Variants in MAP3K6 observed in about 807,000 individuals in gnomAD.
MAP3K6 encodes the protein mitogen-activated protein kinase kinase kinase 6, also known as apoptosis signal-regulating kinase 2.
In MAP3K6, 105 loss-of-function variants were observed where a neutral mutation model predicts 147.1. The ratio of observed to expected loss-of-function variants is 0.71; its 90% CI spans 0.61 to 0.84. The LOEUF is 0.84. Ranked by LOEUF, MAP3K6 falls within the 40% of genes least tolerant of loss-of-function variation. MAP3K6 has a pLI of 0.00. For missense variants in MAP3K6, 1,569 were observed against 1,715.0 expected, an observed-to-expected ratio of 0.91 and a Z score of 1.50; for synonymous variants, 695 against 732.4, an observed-to-expected ratio of 0.95 and a Z score of 0.82.
intron 1 of MAP3K6, among the ~76,000 whole-genome samples, chr1:27,365,588 C>T: frequency 6.6e-6 from 1 of 152,000 alleles, no homozygotes; most frequent in East Asian, 1.9e-4. Flanking sequence ...GAGTGACTCG[C>T]GGGGGAATAG....
intron 28 of MAP3K6, 61 bp downstream of exon 28, chr1:27,355,608 C>T (rs151081848): frequency 1.9e-6 from 3 of 1,599,298 alleles, no homozygotes; most frequent in African/African-American, 2.7e-5. Context: ...CCTAGGCAGG[C>T]CTGCAGTTGG....
At position 27,359,447 on chromosome 1, in the gene MAP3K6, C is replaced by T. The variant is rs1237430974; in HGVS notation, c.2395G>A (p.Gly799Ser). The change falls in exon 18 of 29, where the codon GGC becomes AGC. Residue 799 changes from glycine to serine, a missense_variant. Coordinates refer to ENST00000357582, the MANE Select transcript of MAP3K6 (RefSeq NM_004672.5). This position sits in a 1 kb window ranked among gnomAD's most constrained non-coding sequence, Gnocchi z 4.4. ...AAGGTCTCAGTGCAAGGTGTGATGC[C>T]TGCCAGCCGCTTGGAGGTGCCGAAG... is the stretch of plus-strand genomic sequence containing the variant. ...SDFGTSKRLA[G>S]ITPCTETFTG... 6.2e-7 allele frequency: 1 copy of T among 1,614,172 alleles called. No homozygotes were observed. The highest frequency in any genetic ancestry group is 8.5e-7 in the Non-Finnish European group (1 of 1,180,026).
rs764675645 is a variant in MAP3K6, at chr1:27,364,036, G to A, written c.745C>T (p.Arg249Trp). The change falls in exon 5 of 29, where the codon CGG (arginine) becomes TGG (tryptophan). Residue 249 changes from arginine to tryptophan, a missense_variant. By Grantham distance (101) the Arg-to-Trp change is moderately radical. Coordinates refer to ENST00000357582, the MANE Select transcript of MAP3K6 (RefSeq NM_004672.5). This position sits in a 1 kb window ranked among gnomAD's most constrained non-coding sequence, Gnocchi z 4.4. ...IRRDIRQARE[R>W]FSGPQLRQEL... ...TGCCGCAGCTGTGGCCCACTGAACC[G>A]CTCCCGCGCCTGCCGGATGTCCCGC... 8.7e-6 allele frequency: 14 copies of A among 1,612,426 alleles called. No individual in the cohort carries two copies. Among genetic ancestry groups the A allele is most frequent in the Admixed American group, 5.0e-5 (3 of 59,968 alleles).
In MAP3K6 at chr1:27,356,724, C is replaced by T. The variant is rs1461699511; in HGVS notation, c.3390G>A (p.Pro1130=). 6.3e-7 allele frequency: 1 copy of T among 1,578,970 alleles called. No homozygotes were observed. The highest frequency in any genetic ancestry group is 8.6e-7 in the Non-Finnish European group (1 of 1,162,006). The part of the protein sequence containing the change: ...GPEVEKEAVS[P]RSEELSNEGD... ...CTTCATTACTCAGCTCCTCTGACCT[C>T]GGTGAGACCGCCTCCTTCTCCACCT... is the stretch of plus-strand genomic sequence containing the variant. The change falls in exon 25 of 29, where the codon CCG becomes CCA. Residue 1130 remains proline (P), a synonymous_variant. Transcript: ENST00000357582.
chr1:27,359,644 T>TG lies in MAP3K6; in HGVS notation c.2320-123dup. On this transcript the variant is annotated intron_variant, in intron 17 of 28. Transcript: ENST00000357582. The surrounding 1 kb of genome is among the most constrained non-coding windows in gnomAD (Gnocchi z 4.4). ...CCTGCCTCTGTCAACACTCTCCCCTTGCCATCCCACTTATATGCCCCTCTG... is the reference window on the plus strand; with the variant it reads ...CCTGCCTCTGTCAACACTCTCCCCTTGGCCATCCCACTTATATGCCCCTCTG... 6.8e-7 allele frequency: 1 copy of TG among 1,468,258 alleles called. No individual in the cohort carries two copies. Among genetic ancestry groups the TG allele is most frequent in the Non-Finnish European group, 9.3e-7 (1 of 1,078,242 alleles). 91.0% of individuals were successfully genotyped at this position (1,468,258 alleles called of 1,614,324 possible). A position where few individuals can be genotyped will look rare whatever the true frequency, so the allele number is the denominator to read the frequency against.
At position 27,358,004 on chromosome 1, in the gene MAP3K6, G is replaced by A. The variant is rs964591331; in HGVS notation, c.2916-128C>T. ...ACAGGCATGAACATAGATAAACCCC[G>A]CACTGAGAGGACACAACAAGTCCAA... is the stretch of plus-strand genomic sequence containing the variant. On this transcript the variant is annotated intron_variant, in intron 21 of 28. Coordinates refer to ENST00000357582, the MANE Select transcript of MAP3K6 (RefSeq NM_004672.5). The surrounding 1 kb of genome is among the most constrained non-coding windows in gnomAD (Gnocchi z 6.2). The A allele has an allele frequency of 6.1e-6, 9 of 1,468,972 alleles. No individual in the cohort carries two copies. The highest frequency in any genetic ancestry group is 4.9e-5 in the East Asian group (2 of 41,106). 91.0% of individuals were successfully genotyped at this position (1,468,972 alleles called of 1,614,324 possible).
rs1380142454 is a variant in MAP3K6, at chr1:27,358,192, G to A, written c.2904C>T (p.Thr968=). The change falls in exon 21 of 29, where the codon ACC becomes ACT. Residue 968 remains threonine, a synonymous_variant. Coordinates refer to ENST00000357582, the MANE Select transcript of MAP3K6 (RefSeq NM_004672.5). This position sits in a 1 kb window ranked among gnomAD's most constrained non-coding sequence, Gnocchi z 6.2. ...AGCCTTGGTCTCACCGGAGCTGGCT[G>A]GTGCCCCCATAACTGAGGCAGCGCT... ...PPKRCLSYGG[T]SQLRVPEEPA... is the part of the protein sequence containing the mutation. 2 of 1,587,444 alleles carry A rather than the reference G, an allele frequency of 1.3e-6. No individual in the cohort carries two copies. The highest frequency in any genetic ancestry group is 1.4e-5 in the African/African-American group (1 of 72,914).
intron 1 of MAP3K6, among the ~76,000 whole-genome samples, chr1:27,365,995 C>G (rs1226904282): frequency 1.3e-5 from 2 of 151,582 alleles, no homozygotes; most frequent in Admixed American, 1.3e-4. Flanking sequence ...GGCACCGCTC[C>G]GACTGAAGGG....
At chr1:27,363,102 G>A in intron 6 of MAP3K6, 81 bp from the exon 7 acceptor site, 1 of 1,342,850 alleles carries the variant, frequency 7.4e-7, no homozygotes, top group South Asian at 1.4e-5. Context: ...GAACCAGCAG[G>A]GACCCTTCCA....
chr1:27,361,196 T>TCCTGAGC lies in MAP3K6; in HGVS notation c.1786_1792dup (p.Asp598GlyfsTer47), dbSNP rs1187097895. 2 of 1,612,886 alleles carry TCCTGAGC rather than the reference T, an allele frequency of 1.2e-6. No homozygotes were observed. Among genetic ancestry groups the TCCTGAGC allele is most frequent in the Admixed American group, 3.3e-5 (2 of 59,894 alleles). ...TACGCTGGGGAAGCACAGCTGGACG[T>TCCTGAGC]CCTGAGCCGGGGGGAGTGCATAGAG... On this transcript the variant is annotated frameshift_variant, in exon 13 of 29. Coordinates refer to ENST00000357582, the MANE Select transcript of MAP3K6 (RefSeq NM_004672.5). LOFTEE classifies it high-confidence loss of function.
Position 27,362,942 on chromosome 1 carries a change from C to A in MAP3K6, c.1051G>T (p.Asp351Tyr). 1 of 1,614,110 alleles carries A rather than the reference C, an allele frequency of 6.2e-7. No homozygotes were observed. Among genetic ancestry groups the A allele is most frequent in the Non-Finnish European group, 8.5e-7 (1 of 1,180,010 alleles). Residue 351 changes from aspartate (D) to tyrosine (Y), a missense_variant, in exon 7 of 29, where the codon GAT (aspartate) becomes TAT (tyrosine). Coordinates refer to ENST00000357582, the MANE Select transcript of MAP3K6 (RefSeq NM_004672.5). ...LVQLEGSVAP[D>Y]LYCMCGRIYK... ...ATACGGCCACACATGCAGTACAGAT[C>A]GGGCGCCACAGAGCCCTCAAGCTGT...
chr1:27,358,192 G>T lies in MAP3K6; in HGVS notation c.2904C>A (p.Thr968=). Residue 968 remains threonine, a synonymous_variant, in exon 21 of 29, where the codon ACC becomes ACA. Transcript: ENST00000357582. The surrounding 1 kb of genome is among the most constrained non-coding windows in gnomAD (Gnocchi z 6.2). ...PPKRCLSYGG[T]SQLRVPEEPA... ...AGCCTTGGTCTCACCGGAGCTGGCT[G>T]GTGCCCCCATAACTGAGGCAGCGCT... 6.3e-7 allele frequency: 1 copy of T among 1,587,562 alleles called. No homozygotes were observed. Among genetic ancestry groups the T allele is most frequent in the South Asian group, 1.1e-5 (1 of 87,294 alleles).
rs141628771 is a variant in MAP3K6 at position 27,358,588 on chromosome 1, C to T, written c.2607G>A (p.Pro869=). ...CGGCCGACAGAGAGCTGGGCATTGG[C>T]GGATGGACCTTGTACATACCCACCT... ...MFQVGMYKVH[P]PMPSSLSAEA... is the part of the protein sequence containing the mutation. The change falls in exon 20 of 29, where the codon CCG becomes CCA. Residue 869 remains proline (P), a synonymous_variant. Coordinates refer to ENST00000357582, the MANE Select transcript of MAP3K6 (RefSeq NM_004672.5). This position sits in a 1 kb window ranked among gnomAD's most constrained non-coding sequence, Gnocchi z 6.2. 3.1e-6 allele frequency: 5 copies of T among 1,613,398 alleles called. No individual in the cohort carries two copies. Among genetic ancestry groups the T allele is most frequent in the East Asian group, 2.2e-5 (1 of 44,870 alleles).
At chr1:27,363,396 G>A (rs1258666035) in intron 6 of MAP3K6, 46 bp downstream of exon 6, 19 of 1,521,244 alleles carry the variant, frequency 1.2e-5, no homozygotes, top group African/African-American at 2.8e-5. Flanking sequence ...CCTAGGTTTC[G>A]GAAACCTTTA....
At position 27,366,493 on chromosome 1, in the gene MAP3K6, C is replaced by A; in HGVS notation, c.105G>T (p.Pro35=). ...GCCGGCTCCGCGCGCAGCCCCGGCC[C>A]GGGGGCGCCGCGAGCTGCCGGCCCC... ...LSRGRQLAAP[P]GRGCARSRPL... The change falls in exon 1 of 29, where the codon CCG becomes CCT. Residue 35 remains proline (P), a synonymous_variant. Coordinates refer to ENST00000357582, the MANE Select transcript of MAP3K6 (RefSeq NM_004672.5). The surrounding 1 kb of genome is among the most constrained non-coding windows in gnomAD (Gnocchi z 5.5). 1 of 1,129,616 alleles carries A rather than the reference C, an allele frequency of 8.9e-7. No individual in the cohort carries two copies. The allele number at this position is 1,129,616 out of a possible 1,614,324, so 70.0% of individuals were successfully genotyped here. A position where few individuals can be genotyped will look rare whatever the true frequency, so the allele number is the denominator to read the frequency against.
chr1:27,363,801 A>T, intron 5 of MAP3K6, 116 bp downstream of exon 5: 1 of 1,034,446 alleles, frequency 9.7e-7, no homozygotes, highest in Non-Finnish European at 1.4e-6. Context: ...ACACTCAGAG[A>T]CATTGGATAA....
Position 27,359,558 on chromosome 1 carries a change from C to T in MAP3K6, c.2320-36G>A, listed in dbSNP as rs1177063310. The T allele has an allele frequency of 1.9e-6, 3 of 1,613,604 alleles. No homozygotes were observed. In the Admixed American group the frequency reaches 5.0e-5, roughly 27 times the overall value. ...GCCATTAGTGGACACTGGTCTGGGC[C>T]CCTGCCAGCAGAAGTAGACCCTCTT... is the stretch of plus-strand genomic sequence containing the variant. On this transcript the variant is annotated intron_variant, in intron 17 of 28. Coordinates refer to ENST00000357582, the MANE Select transcript of MAP3K6 (RefSeq NM_004672.5). The surrounding 1 kb of genome is among the most constrained non-coding windows in gnomAD (Gnocchi z 4.4).
At position 27,364,778 on chromosome 1, in the gene MAP3K6, G is replaced by A. The variant is rs758043339; in HGVS notation, c.475C>T (p.Leu159=). ...SQADLPDLQA[L]REDVFQKNSD... ...ACCAGCCCCAGGCCACCTACCCGCA[G>A]GGCCTGCAGGTCAGGGAGGTCGGCC... Residue 159 remains leucine (L), a synonymous_variant, in exon 2 of 29, where the codon CTG becomes TTG. Coordinates refer to ENST00000357582, the MANE Select transcript of MAP3K6 (RefSeq NM_004672.5). The surrounding 1 kb of genome is among the most constrained non-coding windows in gnomAD (Gnocchi z 4.4). 2 of 1,613,680 alleles carry A rather than the reference G, an allele frequency of 1.2e-6. No homozygotes were observed. Among genetic ancestry groups the A allele is most frequent in the South Asian group, 1.1e-5 (1 of 91,082 alleles).
Position 27,360,350 on chromosome 1 carries a change from A to C in MAP3K6, c.2073T>G (p.His691Gln). Reference sequence around the variant, plus strand: ...GGCGTCTGTGAAGAGCGATCTCTTCATGCAGGGGCTGAGAGAACCTGAGGG... The same window carrying C: ...GGCGTCTGTGAAGAGCGATCTCTTCCTGCAGGGGCTGAGAGAACCTGAGGG... Reference protein sequence around the residue: ...ERDSRFSQPLHEEIALHRRLR... With the variant: ...ERDSRFSQPLQEEIALHRRLR... Residue 691 changes from histidine to glutamine, a missense_variant, in exon 16 of 29, where the codon CAT becomes CAG. By Grantham distance (24) the His-to-Gln change is conservative. Transcript: ENST00000357582. This position sits in a 1 kb window ranked among gnomAD's most constrained non-coding sequence, Gnocchi z 4.5. The C allele has an allele frequency of 1.2e-6, 2 of 1,613,910 alleles. No homozygotes were observed. Among genetic ancestry groups the C allele is most frequent in the Non-Finnish European group, 1.7e-6 (2 of 1,179,950 alleles).
Sources: allele counts gnomAD v4.1 joint callset (sites outside exome capture counted in the v4.1 genomes callset), GRCh38; gene constraint gnomAD v4.1.1; non-coding constraint Gnocchi (gnomAD v3.1); transcripts MANE v1.5; gene names NCBI Gene and HGNC (gene_info 2026-07-23, HGNC 2026-07-21).